Variants in ABHD13 observed in about 807,000 individuals in gnomAD.
The protein encoded by ABHD13 is abhydrolase domain containing 13.
ABHD13 carries 7 observed loss-of-function variants against 25.2 expected under a neutral mutation model. The observed-to-expected ratio is 0.28, with a 90% CI of 0.16 to 0.52. The LOEUF (loss-of-function observed/expected upper bound fraction) is 0.52. ABHD13 is among the 20% of genes least tolerant of loss of function. The pLI is 0.96. For missense variants in ABHD13, 302 were observed against 402.7 expected, an observed-to-expected ratio of 0.75 and a Z score of 2.14; for synonymous variants, 133 against 136.1, an observed-to-expected ratio of 0.98 and a Z score of 0.16.
chr13:108,218,987 A>C lies in ABHD13; in HGVS notation c.-21+328A>C, dbSNP rs186554576. Reference sequence around the variant, plus strand: ...AGAGGCTCGCCGGGTGTCGTTTTGTAATTGGAACCTAAAACGTATCTTAGT... The same window carrying C: ...AGAGGCTCGCCGGGTGTCGTTTTGTCATTGGAACCTAAAACGTATCTTAGT... On this transcript the variant is annotated intron_variant, in intron 1 of 1. Transcript: ENST00000375898. 4.0e-3 allele frequency among the ~76,000 whole-genome samples: 604 copies of C among 152,208 alleles called. 2 individuals are homozygous for C. The highest frequency in any genetic ancestry group is 6.6e-3 in the Non-Finnish European group (446 of 68,000).
chr13:108,224,477 G>T (rs1321171539), intron 1 of ABHD13, among the ~76,000 whole-genome samples: 4 of 152,156 alleles, frequency 2.6e-5, no homozygotes, highest in Admixed American at 2.6e-4. Flanking sequence ...CTTCAATATT[G>T]ATCTCTTTTT....
chr13:108,230,569 G>A lies in ABHD13; in HGVS notation c.*337G>A. ...AATAGCTAGATGTGGAAAGAGATATGTAAACAAGAAACCTTTGGGTATTGT... is the reference window on the plus strand; with the variant it reads ...AATAGCTAGATGTGGAAAGAGATATATAAACAAGAAACCTTTGGGTATTGT... On this transcript the variant is annotated 3_prime_UTR_variant, in exon 2 of 2. Coordinates refer to ENST00000375898, the MANE Select transcript of ABHD13 (RefSeq NM_032859.3). The A allele has an allele frequency of 5.5e-6, 1 of 180,232 alleles. No homozygotes were observed. Among genetic ancestry groups the A allele is most frequent in the Non-Finnish European group, 1.3e-5 (1 of 77,540 alleles). 11.2% of individuals were successfully genotyped at this position (180,232 alleles called of 1,614,324 possible).
At chr13:108,228,629 T>TA (rs1879722513) in intron 1 of ABHD13, among the ~76,000 whole-genome samples, 1 of 151,848 alleles carries the variant, frequency 6.6e-6, no homozygotes, top group Admixed American at 6.6e-5. Flanking sequence ...CCCAACTCCT[T>TA]ACCCTAGTTT....
chr13:108,220,984 A>T (rs1280077461), intron 1 of ABHD13, among the ~76,000 whole-genome samples: 1 of 152,214 alleles, frequency 6.6e-6, no homozygotes, highest in Non-Finnish European at 1.5e-5. Flanking sequence ...TCTCAGAACA[A>T]ATTGTGGTTG....
At chr13:108,226,092 A>G (rs918708433) in intron 1 of ABHD13, among the ~76,000 whole-genome samples, 5 of 152,176 alleles carry the variant, frequency 3.3e-5, no homozygotes, top group Admixed American at 6.5e-5. Context: ...CTTGGGGTCA[A>G]TTGGACATTG....
chr13:108,221,672 A>G (rs989853781), intron 1 of ABHD13, among the ~76,000 whole-genome samples: 1 of 152,132 alleles, frequency 6.6e-6, no homozygotes, highest in African/African-American at 2.4e-5. Flanking sequence ...TAGTGCCTTT[A>G]TGACTTAGGA....
rs191694117 is a variant in ABHD13, at chr13:108,229,405, G to A, written c.187G>A (p.Val63Ile). 1.2e-5 allele frequency: 20 copies of A among 1,612,442 alleles called. No individual in the cohort carries two copies. In the East Asian group the frequency reaches 4.2e-4, roughly 34 times the overall value. Residue 63 changes from valine to isoleucine, a missense_variant, in exon 2 of 2, where the codon GTA becomes ATA. Val to Ile is a conservative substitution (Grantham distance 29). Transcript: ENST00000375898. The surrounding 1 kb of genome is among the most constrained non-coding windows in gnomAD (Gnocchi z 4.7). ...IAGILYKFQD[V>I]LLYFPEQPSS... is the part of the protein sequence containing the mutation. ...AGGTATTCTGTATAAATTCCAGGAT[G>A]TATTGCTTTATTTTCCAGAACAGCC...
chr13:108,223,424 G>A (rs1172322007), intron 1 of ABHD13, among the ~76,000 whole-genome samples: 1 of 152,220 alleles, frequency 6.6e-6, no homozygotes, highest in Non-Finnish European at 1.5e-5. Context: ...TGCTTTATGT[G>A]CACTTCCAGT....
intron 1 of ABHD13, among the ~76,000 whole-genome samples, chr13:108,221,107 C>T (rs1040566036): frequency 6.6e-6 from 1 of 152,206 alleles, no homozygotes; most frequent in African/African-American, 2.4e-5. Context: ...AATTTTTGAG[C>T]TATCTGCTCA....
intron 1 of ABHD13, among the ~76,000 whole-genome samples, chr13:108,224,292 G>A (rs1378854484): frequency 6.6e-6 from 1 of 152,162 alleles, no homozygotes. Context: ...CAAGCTACTT[G>A]AGAGCAAGGA....
chr13:108,224,150 A>G (rs959903114), intron 1 of ABHD13, among the ~76,000 whole-genome samples: 2 of 152,210 alleles, frequency 1.3e-5, no homozygotes, highest in African/African-American at 4.8e-5. Context: ...TGTAATGACA[A>G]TTGTCATCTT....
In ABHD13 at chr13:108,232,415, T is replaced by C. The variant is rs546509159; in HGVS notation, c.*2183T>C. 6.0e-6 allele frequency: 1 copy of C among 167,060 alleles called. No homozygotes were observed. Among genetic ancestry groups the C allele is most frequent in the African/African-American group, 2.4e-5 (1 of 41,554 alleles). 10.3% of individuals were successfully genotyped at this position (167,060 alleles called of 1,614,324 possible). A position where few individuals can be genotyped will look rare whatever the true frequency, so the allele number is the denominator to read the frequency against. On this transcript the variant is annotated 3_prime_UTR_variant, in exon 2 of 2. Coordinates refer to ENST00000375898, the MANE Select transcript of ABHD13 (RefSeq NM_032859.3). ...AGGGCTATACCACCACTAGCATCTG[T>C]ATTTGAGACTGTTTCCTTAGATGGG...
At chr13:108,219,883 C>T (rs1235685146) in intron 1 of ABHD13, among the ~76,000 whole-genome samples, 1 of 152,142 alleles carries the variant, frequency 6.6e-6, no homozygotes, top group Admixed American at 6.5e-5. Flanking sequence ...GTGCATTGCT[C>T]TGATTACTTC....
At chr13:108,219,695 C>G (rs1171500285) in intron 1 of ABHD13, among the ~76,000 whole-genome samples, 1 of 152,176 alleles carries the variant, frequency 6.6e-6, no homozygotes, top group Non-Finnish European at 1.5e-5. Flanking sequence ...AGGACGAGGT[C>G]TCTGTCATCG....
rs1879765932 is a variant in ABHD13, at chr13:108,230,045, T to C, written c.827T>C (p.Met276Thr). The change falls in exon 2 of 2, where the codon ATG (methionine) becomes ACG (threonine). Residue 276 changes from methionine (M) to threonine (T), a missense_variant. Coordinates refer to ENST00000375898, the MANE Select transcript of ABHD13 (RefSeq NM_032859.3). ...GATCAATTAATTCCACCAGTAATGA[T>C]GAAACAACTTTATGAACTCTCCCCA... ...LSDQLIPPVMMKQLYELSPSR... is the reference protein window; with the variant it reads ...LSDQLIPPVMTKQLYELSPSR... The C allele has an allele frequency of 6.2e-7, 1 of 1,613,080 alleles. No individual in the cohort carries two copies. The highest frequency in any genetic ancestry group is 1.1e-5 in the South Asian group (1 of 91,068).
intron 1 of ABHD13, among the ~76,000 whole-genome samples, chr13:108,219,394 TAGAA>T (rs1566377921): frequency 1.3e-5 from 2 of 152,220 alleles, no homozygotes; most frequent in African/African-American, 4.8e-5. Flanking sequence ...AGTAACTGGA[TAGAA>T]AGAGATGAGT....
intron 1 of ABHD13, among the ~76,000 whole-genome samples, chr13:108,220,798 T>C (rs1442963056): frequency 2.0e-5 from 3 of 152,344 alleles, no homozygotes; most frequent in Middle Eastern, 3.4e-3. Flanking sequence ...CTCAATGTTA[T>C]ATAACACTGG....
rs1475211166 is a variant in ABHD13 at position 108,232,918 on chromosome 13, GAC to G, written c.*2690_*2691del. On this transcript the variant is annotated 3_prime_UTR_variant, in exon 2 of 2. Transcript: ENST00000375898. ...TAGAAACAACTAGAAAGGAAAGTGT[GAC>G]ACAGTTTTTAAATTTAGATGTAGAA... 1.2e-5 allele frequency: 2 copies of G among 166,978 alleles called. No individual in the cohort carries two copies. The highest frequency in any genetic ancestry group is 2.1e-4 in the South Asian group (1 of 4,828). The allele number at this position is 166,978 out of a possible 1,614,324, so 10.3% of individuals were successfully genotyped here. A position where few individuals can be genotyped will look rare whatever the true frequency, so the allele number is the denominator to read the frequency against.
At chr13:108,218,815 G>A (rs1181872967) in intron 1 of ABHD13, among the ~76,000 whole-genome samples, 156 bp downstream of exon 1, 1 of 151,176 alleles carries the variant, frequency 6.6e-6, no homozygotes, top group Non-Finnish European at 1.5e-5. Context: ...CTTCCCCTGG[G>A]GGTCGTGCGG....
Sources: gnomAD v4.1 joint callset for allele counts (sites outside exome capture counted in the v4.1 genomes callset) on GRCh38, gnomAD v4.1.1 for gene constraint, Gnocchi (gnomAD v3.1) non-coding constraint, MANE v1.5 for transcripts, NCBI Gene and HGNC (gene_info 2026-07-23, HGNC 2026-07-21) for gene names.